ROBO1: variants seen among roughly 807,000 people sequenced by gnomAD.
ROBO1 encodes roundabout guidance receptor 1.
ROBO1 carries 149 observed loss-of-function variants against 195.9 expected under a neutral mutation model. That is an observed-to-expected ratio of 0.76 (90% CI 0.67 to 0.87). The LOEUF (loss-of-function observed/expected upper bound fraction) is 0.87. Ranked by LOEUF, ROBO1 falls within the 40% of genes least tolerant of loss-of-function variation. The pLI, the probability that ROBO1 is intolerant of heterozygous loss-of-function variation, is 0.00. For missense variants in ROBO1, 1,933 were observed against 2,068.3 expected, an observed-to-expected ratio of 0.93 and a Z score of 1.27; for synonymous variants, 816 against 733.2, an observed-to-expected ratio of 1.11 and a Z score of -1.82.
intron 2 of ROBO1, among the ~76,000 whole-genome samples, chr3:79,254,284 C>T (rs2082785646): frequency 6.6e-6 from 1 of 152,078 alleles, no homozygotes; most frequent in South Asian, 2.1e-4. Flanking sequence ...TTTAGCTCTA[C>T]CTGCTGTTTT....
chr3:78,958,183 T>C (rs1185801073), intron 3 of ROBO1, among the ~76,000 whole-genome samples: 2 of 152,208 alleles, frequency 1.3e-5, no homozygotes, highest in Non-Finnish European at 2.9e-5. Flanking sequence ...TGGAAAAACC[T>C]AGAGCAAGGT....
chr3:79,461,869 C>A (rs911747495), intron 2 of ROBO1, among the ~76,000 whole-genome samples: 1 of 152,062 alleles, frequency 6.6e-6, no homozygotes, highest in Non-Finnish European at 1.5e-5. Flanking sequence ...CATAAAAATT[C>A]TCCTAAGATT....
chr3:79,018,172 C>G (rs1012711805), intron 3 of ROBO1, among the ~76,000 whole-genome samples: 1 of 152,152 alleles, frequency 6.6e-6, no homozygotes, highest in Non-Finnish European at 1.5e-5. Context: ...AGGCCGAGAT[C>G]TGCAAAGAGT....
intron 3 of ROBO1, among the ~76,000 whole-genome samples, chr3:78,992,061 A>C (rs1265879175): frequency 1.3e-5 from 2 of 152,204 alleles, no homozygotes; most frequent in Non-Finnish European, 2.9e-5. Flanking sequence ...TCACAGGCCT[A>C]CAAAGAAAAC....
At chr3:79,224,710 T>G (rs1276674394) in intron 2 of ROBO1, among the ~76,000 whole-genome samples, 1 of 152,218 alleles carries the variant, frequency 6.6e-6, no homozygotes, top group Non-Finnish European at 1.5e-5. Context: ...CATTGGATTT[T>G]TCTGTCTATT....
At position 78,711,391 on chromosome 3, in the gene ROBO1, C is replaced by CT. The variant is rs1316423111; in HGVS notation, c.1045+3005dup. On this transcript the variant is annotated intron_variant, in intron 8 of 30. Transcript: ENST00000464233. Reference sequence around the variant, plus strand: ...CCTTCCTTCCTTCCTTCCTTCCTTCCTTCCTTCCTTTCTTTCTTTCTTTCT... The same window carrying CT: ...CCTTCCTTCCTTCCTTCCTTCCTTCCTTTCCTTCCTTTCTTTCTTTCTTTCT... 2.1e-3 allele frequency among the ~76,000 whole-genome samples: 93 copies of CT among 43,820 alleles called. 1 individual carries two copies. Among genetic ancestry groups the CT allele is most frequent in the African/African-American group, 4.4e-3 (45 of 10,168 alleles). The allele number at this position is 43,820 out of a possible 152,430, so 28.7% of individuals were successfully genotyped here.
intron 3 of ROBO1, among the ~76,000 whole-genome samples, chr3:79,101,265 G>A (rs62259669): frequency 0.11 from 16,680 of 151,826 alleles, 1,070 homozygotes; most frequent in East Asian, 0.19. Context: ...GCCAAGCCAT[G>A]TTTGAGAACA....
Position 79,702,940 on chromosome 3 carries a change from A to G in ROBO1, c.-51+64812T>C, listed in dbSNP as rs1947660426. On this transcript the variant is annotated intron_variant, in intron 1 of 30. Transcript: ENST00000464233. The stretch of plus-strand genomic sequence containing the variant: ...TTTCCCAGTAGTGGCCACGTGGCCT[A>G]AAGCAGATCAACCAGGGTATCTCAA... 3.3e-5 allele frequency among the ~76,000 whole-genome samples: 5 copies of G among 152,044 alleles called. 1 individual carries two copies. The South Asian group carries it at 1.0e-3, about 32-fold the overall frequency.
At chr3:78,824,027 T>C (rs963773431) in intron 4 of ROBO1, among the ~76,000 whole-genome samples, 3 of 152,200 alleles carry the variant, frequency 2.0e-5, no homozygotes, top group African/African-American at 7.2e-5. Flanking sequence ...AGGTATGACT[T>C]GCTGCATTCC....
chr3:79,181,335 T>G lies in ROBO1; in HGVS notation c.89-55796A>C, dbSNP rs2081336403. ...ATTTAGCTTTGAATTGTTACTGGCCTGGCATATAACATGTACTAAGGTATA... is the reference window on the plus strand; with the variant it reads ...ATTTAGCTTTGAATTGTTACTGGCCGGGCATATAACATGTACTAAGGTATA... On this transcript the variant is annotated intron_variant, in intron 2 of 30. Transcript: ENST00000464233. 2.6e-5 allele frequency among the ~76,000 whole-genome samples: 4 copies of G among 152,232 alleles called. No homozygotes were observed. The South Asian group carries it at 8.3e-4, about 31-fold the overall frequency.
chr3:78,745,085 A>G (rs1156874647), intron 5 of ROBO1, among the ~76,000 whole-genome samples: 1 of 151,980 alleles, frequency 6.6e-6, no homozygotes, highest in Non-Finnish European at 1.5e-5. Flanking sequence ...CAAGGCAGGC[A>G]TATCATGAGG....
At chr3:79,679,747 C>T (rs1176267860) in intron 1 of ROBO1, among the ~76,000 whole-genome samples, 1 of 151,622 alleles carries the variant, frequency 6.6e-6, no homozygotes, top group East Asian at 1.9e-4. Context: ...GCATTTGTAC[C>T]CCTTTGACTT....
At chr3:79,600,987 G>A (rs1457979759) in intron 1 of ROBO1, among the ~76,000 whole-genome samples, 1 of 151,928 alleles carries the variant, frequency 6.6e-6, no homozygotes, top group African/African-American at 2.4e-5. Flanking sequence ...AGGGCAGAGG[G>A]AGCGATGGAG....
chr3:79,564,438 A>G (rs990479544), intron 2 of ROBO1, among the ~76,000 whole-genome samples: 9 of 152,026 alleles, frequency 5.9e-5, no homozygotes, highest in Non-Finnish European at 1.0e-4. Flanking sequence ...AATAAACTTG[A>G]GAGGTCATTT....
chr3:79,589,695 A>AT (rs879796130), intron 2 of ROBO1, 129 bp downstream of exon 2: 22 of 716,116 alleles, frequency 3.1e-5, no homozygotes, highest in Non-Finnish European at 5.1e-5. Flanking sequence ...TCAAGAAGAC[A>AT]TTCACACAGA....
At chr3:79,425,342 A>T (rs910259662) in intron 2 of ROBO1, among the ~76,000 whole-genome samples, 1 of 152,132 alleles carries the variant, frequency 6.6e-6, no homozygotes, top group Non-Finnish European at 1.5e-5. Context: ...AAACTATTTT[A>T]AAAATAACCG....
At chr3:78,985,258 C>G (rs1030373777) in intron 3 of ROBO1, among the ~76,000 whole-genome samples, 5 of 152,032 alleles carry the variant, frequency 3.3e-5, no homozygotes, top group African/African-American at 1.2e-4. Context: ...AGTGATTGCA[C>G]CATCGCACTC....
intron 3 of ROBO1, among the ~76,000 whole-genome samples, chr3:78,969,959 C>A (rs531797763): frequency 1.3e-5 from 2 of 152,210 alleles, no homozygotes; most frequent in Admixed American, 6.5e-5. Context: ...AAATTATTCT[C>A]ATTTGAAACT....
intron 2 of ROBO1, among the ~76,000 whole-genome samples, chr3:79,488,405 C>G (rs890257012): frequency 1.3e-5 from 2 of 152,102 alleles, no homozygotes; most frequent in South Asian, 4.1e-4. Flanking sequence ...CTCAGGCTAA[C>G]TTTGGACCAA....
Sources: gnomAD v4.1 joint callset for allele counts (sites outside exome capture counted in the v4.1 genomes callset) on GRCh38, gnomAD v4.1.1 for gene constraint, MANE v1.5 for transcripts, NCBI Gene and HGNC (gene_info 2026-07-23, HGNC 2026-07-21) for gene names.